Variants in PRKCH observed in about 807,000 individuals in gnomAD.
PRKCH encodes the protein protein kinase C eta.
A neutral mutation model predicts 82.5 loss-of-function variants in PRKCH; 28 were observed. That is an observed-to-expected ratio of 0.34 (90% CI 0.25 to 0.47). The LOEUF is 0.47. Among genes scored for constraint, PRKCH ranks in the 20% least tolerant of loss-of-function variants. The pLI, the probability that PRKCH is intolerant of heterozygous loss-of-function variation, is 1.00. For synonymous variants in PRKCH, 322 were observed against 327.4 expected, an observed-to-expected ratio of 0.98 and a Z score of 0.18; for missense variants, 705 against 881.8, an observed-to-expected ratio of 0.80 and a Z score of 2.54.
chr14:61,268,494 C>T (rs558111074), intron 1 of PRKCH, among the ~76,000 whole-genome samples: 4 of 152,122 alleles, frequency 2.6e-5, no homozygotes, highest in East Asian at 1.9e-4. Flanking sequence ...GGTAAAACCC[C>T]GGCTCTACTA....
At chr14:61,546,793 A>G (rs1475747756) in intron 12 of PRKCH, among the ~76,000 whole-genome samples, 4 of 152,254 alleles carry the variant, frequency 2.6e-5, no homozygotes, top group African/African-American at 9.6e-5. Context: ...TTTTTATCCA[A>G]GGCAATTTTC....
At chr14:61,373,931 C>G (rs912266307) in intron 1 of PRKCH, among the ~76,000 whole-genome samples, 42 of 152,122 alleles carry the variant, frequency 2.8e-4, no homozygotes, top group African/African-American at 1.0e-3. Flanking sequence ...CTCATTGCAG[C>G]ATTAATGAGT....
intron 1 of PRKCH, among the ~76,000 whole-genome samples, chr14:61,272,248 AG>A (rs1204753660): frequency 1.8e-4 from 6 of 33,240 alleles, no homozygotes; most frequent in Admixed American, 1.4e-3. Context: ...AGATGACATG[AG>A]AAAAACCAAG....
chr14:61,280,952 C>T lies in PRKCH; in HGVS notation c.-19+93284C>T, dbSNP rs1374177669. ...CCGGTGCCCGGGTCGCCTGTATAGT[C>T]GTACTCCAGCTCCTTGATGCCGTTG... On this transcript the variant is annotated intron_variant, in intron 1 of 3. Coordinates refer to the PRKCH transcript ENST00000555185. This position sits in a 1 kb window ranked among gnomAD's most constrained non-coding sequence, Gnocchi z 5.0. The T allele has an allele frequency of 3.9e-6, 6 of 1,543,170 alleles. No individual in the cohort carries two copies. In the African/African-American group the frequency reaches 5.5e-5, roughly 14 times the overall value.
At chr14:61,393,289 A>G (rs984922967) in intron 2 of PRKCH, among the ~76,000 whole-genome samples, 1 of 152,196 alleles carries the variant, frequency 6.6e-6, no homozygotes, top group South Asian at 2.1e-4. Context: ...GTCAGCTTAT[A>G]TATTTCCAGA....
chr14:61,530,891 G>GA (rs1310382580), intron 12 of PRKCH, among the ~76,000 whole-genome samples: 2 of 152,226 alleles, frequency 1.3e-5, no homozygotes, highest in Non-Finnish European at 2.9e-5. Flanking sequence ...GAGGGCAGGT[G>GA]ATGTTTCCCC....
At chr14:61,328,702 C>T (rs1003559554) in intron 1 of PRKCH, among the ~76,000 whole-genome samples, 8 of 151,962 alleles carry the variant, frequency 5.3e-5, no homozygotes, top group Non-Finnish European at 1.0e-4. Flanking sequence ...AATAAAGCAA[C>T]TGGGGCCGCG....
At chr14:61,453,613 T>C (rs1035286109) in intron 7 of PRKCH, among the ~76,000 whole-genome samples, 2 of 150,644 alleles carry the variant, frequency 1.3e-5, no homozygotes, top group Admixed American at 6.6e-5. Flanking sequence ...TCTCCTTTCC[T>C]TTTTCCTTCC....
chr14:61,528,618 G>C (rs1041509516), intron 10 of PRKCH, among the ~76,000 whole-genome samples: 1 of 152,100 alleles, frequency 6.6e-6, no homozygotes, highest in South Asian at 2.1e-4. Flanking sequence ...TGAGTTCCTT[G>C]CAGATGAAGA....
chr14:61,421,024 A>G (rs138491925), intron 2 of PRKCH, among the ~76,000 whole-genome samples: 93 of 151,924 alleles, frequency 6.1e-4, no homozygotes, highest in African/African-American at 2.2e-3. Context: ...AGATAAATAC[A>G]CAGACCATTG....
chr14:61,405,620 G>A (rs1017063879), intron 2 of PRKCH, among the ~76,000 whole-genome samples: 26 of 152,182 alleles, frequency 1.7e-4, no homozygotes, highest in African/African-American at 5.3e-4. Flanking sequence ...TCAGGTGATC[G>A]GCACCCCTTG....
At chr14:61,392,556 T>C (rs2046700364) in intron 2 of PRKCH, among the ~76,000 whole-genome samples, 1 of 152,222 alleles carries the variant, frequency 6.6e-6, no homozygotes, top group African/African-American at 2.4e-5. Flanking sequence ...TAATTTCCAG[T>C]TCCAGTCTTT....
intron 1 of PRKCH, among the ~76,000 whole-genome samples, chr14:61,260,790 G>A (rs1416589866): frequency 1.3e-5 from 2 of 152,164 alleles, no homozygotes; most frequent in African/African-American, 2.4e-5. Flanking sequence ...GATTTCCACA[G>A]AAATAATGCT....
At chr14:61,385,402 T>C (rs2046572455) in intron 1 of PRKCH, among the ~76,000 whole-genome samples, 1 of 151,948 alleles carries the variant, frequency 6.6e-6, no homozygotes, top group South Asian at 2.1e-4. Context: ...TTTATGAAGG[T>C]TTTGAGCCTA....
At chr14:61,352,129 C>T (rs1041573359) in intron 1 of PRKCH, among the ~76,000 whole-genome samples, 70 of 152,140 alleles carry the variant, frequency 4.6e-4, no homozygotes, top group Non-Finnish European at 8.5e-4. Flanking sequence ...TCAAGGAAGT[C>T]ATCCAATGGG....
intron 9 of PRKCH, among the ~76,000 whole-genome samples, chr14:61,468,660 A>G (rs904985298): frequency 6.7e-6 from 1 of 148,850 alleles, no homozygotes; most frequent in African/African-American, 2.6e-5. Flanking sequence ...TGACAAAAGG[A>G]TTTGAAATAG....
intron 1 of PRKCH, among the ~76,000 whole-genome samples, chr14:61,316,378 A>G (rs2045562171): frequency 6.6e-6 from 1 of 152,240 alleles, no homozygotes; most frequent in Non-Finnish European, 1.5e-5. Context: ...CAACCAATCA[A>G]TTTAAAAAGC....
chr14:61,211,835 A>C (rs1159954153), intron 1 of PRKCH, among the ~76,000 whole-genome samples: 1 of 152,210 alleles, frequency 6.6e-6, no homozygotes, highest in Non-Finnish European at 1.5e-5. Context: ...ATTAAGATCC[A>C]CAGTAAAATC....
At chr14:61,392,940 G>C (rs997893871) in intron 2 of PRKCH, among the ~76,000 whole-genome samples, 1 of 151,668 alleles carries the variant, frequency 6.6e-6, no homozygotes, top group African/African-American at 2.4e-5. Context: ...CAGAGGAGTT[G>C]AAACATTTTT....
Sources: allele counts gnomAD v4.1 joint callset (sites outside exome capture counted in the v4.1 genomes callset), GRCh38; gene constraint gnomAD v4.1.1; non-coding constraint Gnocchi (gnomAD v3.1); transcripts MANE v1.5; gene names NCBI Gene and HGNC (gene_info 2026-07-23, HGNC 2026-07-21).